The following SAG variants were observed in gnomAD, a reference collection of about 807,000 sequenced individuals.
The protein encoded by SAG is S-antigen visual arrestin.
In SAG, 45 loss-of-function variants were observed where a neutral mutation model predicts 55.0. The observed-to-expected ratio is 0.82, with a 90% CI of 0.64 to 1.05. SAG has a LOEUF of 1.05. Ranked by LOEUF, SAG falls within the 50% of genes least tolerant of loss-of-function variation. The pLI is 0.00. For synonymous variants in SAG, 189 were observed against 197.4 expected (o/e 0.96, Z 0.36); for missense variants, 455 against 512.1 (o/e 0.89, Z 1.08).
Position 233,338,727 on chromosome 2 carries a change from G to C in SAG, c.996G>C (p.Gln332His). 1 of 1,614,002 alleles carries C rather than the reference G, an allele frequency of 6.2e-7. No homozygotes were observed. The highest frequency in any genetic ancestry group is 8.5e-7 in the Non-Finnish European group (1 of 1,179,894). Residue 332 changes from glutamine (Q) to histidine (H), a missense_variant, in exon 12 of 16, where the codon CAG becomes CAC. Coordinates refer to ENST00000409110, the MANE Select transcript of SAG (RefSeq NM_000541.5). ...RTVLGILVSY[Q>H]IKVKLTVSGF... ...TCCTGGGAATCCTGGTGTCTTACCA[G>C]ATCAAGGTGAAGCTCACAGTGTCAG... is the stretch of plus-strand genomic sequence containing the variant.
At chr2:233,313,122 G>A (rs192354317) in intron 2 of SAG, among the ~76,000 whole-genome samples, 12 of 152,340 alleles carry the variant, frequency 7.9e-5, no homozygotes, top group Non-Finnish European at 1.5e-4. Flanking sequence ...GCTGCACACT[G>A]AGGTGTGGTC....
In SAG at chr2:233,331,695, G is replaced by C. The variant is rs1394625571; in HGVS notation, c.789G>C (p.Val263=). 1 of 1,613,612 alleles carries C rather than the reference G, an allele frequency of 6.2e-7. No individual in the cohort carries two copies. The highest frequency in any genetic ancestry group is 1.1e-5 in the South Asian group (1 of 91,030). The change falls in exon 10 of 16, where the codon GTG becomes GTC. Residue 263 remains valine, a synonymous_variant. Coordinates refer to ENST00000409110, the MANE Select transcript of SAG (RefSeq NM_000541.5). The stretch of plus-strand genomic sequence containing the variant: ...CGAGTGATTATTACGTCAAGCCCGT[G>C]GCTATGGAGGAAGCGCAGTGAGTAG... ...LYSSDYYVKP[V]AMEEAQEKVP...
At chr2:233,312,491 TA>T (rs1196945651) in intron 2 of SAG, among the ~76,000 whole-genome samples, 2 of 152,260 alleles carry the variant, frequency 1.3e-5, no homozygotes, top group African/African-American at 4.8e-5. Context: ...TGATACATGA[TA>T]AGCACTCGAA....
intron 10 of SAG, chr2:233,333,016 A>G (rs35502484): frequency 0.074 from 11,229 of 151,624 alleles, 506 homozygotes; most frequent in Admixed American, 0.11. Context: ...GGCTGGTCTC[A>G]AACTCCTGAC....
intron 14 of SAG, chr2:233,343,838 A>G (rs931225473): frequency 1.2e-6 from 1 of 853,124 alleles, no homozygotes. Flanking sequence ...TAGCTTTTCT[A>G]TATTGGTAGT....
chr2:233,346,883 A>G lies in SAG; in HGVS notation c.1189A>G (p.Lys397Glu). ...AGATGCAGGAGAAGCTGAGGAGGGG[A>G]AGAGAGACAAGAATGACGTTGATGA... ...LKDAGEAEEG[K>E]RDKNDVDE The change falls in exon 16 of 16, where the codon AAG becomes GAG. Residue 397 changes from lysine to glutamate, a missense_variant. By Grantham distance (56) the Lys-to-Glu change is moderately conservative. Transcript: ENST00000409110. 1.2e-6 allele frequency: 2 copies of G among 1,611,664 alleles called. No homozygotes were observed. Among genetic ancestry groups the G allele is most frequent in the Non-Finnish European group, 1.7e-6 (2 of 1,178,280 alleles).
intron 8 of SAG, chr2:233,329,281 C>T (rs928641666): frequency 9.5e-6 from 5 of 523,584 alleles, no homozygotes; most frequent in South Asian, 8.4e-5. Context: ...ATGTGATGAT[C>T]GGAACTCTGT....
At chr2:233,346,366 C>G (rs1487950140) in intron 14 of SAG, 37 bp from the exon 15 acceptor site, 2 of 1,609,652 alleles carry the variant, frequency 1.2e-6, no homozygotes, top group Non-Finnish European at 1.7e-6. Context: ...GTCTCTCTCT[C>G]CCTCTTCCCT....
chr2:233,329,325 G>T, intron 8 of SAG, 168 bp from the exon 9 acceptor site: 2 of 594,378 alleles, frequency 3.4e-6, no homozygotes, highest in African/African-American at 1.9e-5. Flanking sequence ...TGGGTGGAAT[G>T]TGTTTCAGGC....
rs1214544140 is a variant in SAG, at chr2:233,335,061, A to C, written c.906A>C (p.Lys302Asn). 3 of 1,613,980 alleles carry C rather than the reference A, an allele frequency of 1.9e-6. No individual in the cohort carries two copies. Among genetic ancestry groups the C allele is most frequent in the Non-Finnish European group, 2.5e-6 (3 of 1,179,856 alleles). The change falls in exon 11 of 16, where the codon AAA (lysine) becomes AAC (asparagine). Residue 302 changes from lysine to asparagine, a missense_variant. Transcript: ENST00000409110. ...GGAGAGGCATTGCCCTGGATGGGAA[A>C]ATCAAGCACGAGGACACAAACCTTG... ...RERRGIALDGKIKHEDTNLAS... is the reference protein window; with the variant it reads ...RERRGIALDGNIKHEDTNLAS...
chr2:233,312,546 C>A (rs10199833), intron 2 of SAG, among the ~76,000 whole-genome samples: 1 of 152,066 alleles, frequency 6.6e-6, no homozygotes, highest in African/African-American at 2.4e-5. Flanking sequence ...ATTTAGCTTT[C>A]CTAAATACTG....
At chr2:233,325,003 A>T (rs1430744871) in intron 6 of SAG, among the ~76,000 whole-genome samples, 2 of 152,160 alleles carry the variant, frequency 1.3e-5, no homozygotes, top group Admixed American at 1.3e-4. Flanking sequence ...AGGCGGGCAG[A>T]TCACCTGTGG....
rs958671592 is a variant in SAG at position 233,329,319 on chromosome 2, T to C, written c.649-174T>C. On this transcript the variant is annotated intron_variant, in intron 8 of 15. Transcript: ENST00000409110. ...CCCTCCCCAGCTTCCCACAGATGGG[T>C]GGAATGTGTTTCAGGCCCTTCCTTA... The C allele has an allele frequency of 1.9e-5, 11 of 584,522 alleles. No individual in the cohort carries two copies. The African/African-American group carries it at 1.9e-4, about 10-fold the overall frequency. 36.2% of individuals were successfully genotyped at this position (584,522 alleles called of 1,614,324 possible).
chr2:233,345,777 AAG>A (rs983975253), intron 14 of SAG: 1 of 152,442 alleles, frequency 6.6e-6, no homozygotes, highest in Non-Finnish European at 1.5e-5. Context: ...TGATCAGGGA[AAG>A]CATCCTAGAG....
At chr2:233,326,992 G>A (rs544920998) in intron 6 of SAG, 129 bp from the exon 7 acceptor site, 27 of 696,562 alleles carry the variant, frequency 3.9e-5, no homozygotes, top group South Asian at 3.6e-4. Flanking sequence ...GTGCAACCCC[G>A]AATAGGACAT....
Position 233,320,710 on chromosome 2 carries a change from T to A in SAG, c.262T>A (p.Tyr88Asn), listed in dbSNP as rs1045104656. 1.4e-5 allele frequency: 23 copies of A among 1,605,780 alleles called. No individual in the cohort carries two copies. Among genetic ancestry groups the A allele is most frequent in the Non-Finnish European group, 2.0e-5 (23 of 1,176,380 alleles). Residue 88 changes from tyrosine to asparagine, a missense_variant, in exon 5 of 16, where the codon TAC becomes AAC. Coordinates refer to ENST00000409110, the MANE Select transcript of SAG (RefSeq NM_000541.5). ...CGGCTTGACCTTCCGCAGGGACCTG[T>A]ACTTCTCCCGGGTCCAGGTGTATCC... ...VIGLTFRRDL[Y>N]FSRVQVYPPV...
At chr2:233,330,906 A>C (rs1489688487) in intron 9 of SAG, among the ~76,000 whole-genome samples, 1 of 150,570 alleles carries the variant, frequency 6.6e-6, no homozygotes, top group African/African-American at 2.4e-5. Flanking sequence ...CCTTGCACAA[A>C]TTGTTTCTTT....
At chr2:233,324,165 G>A (rs148283482) in intron 6 of SAG, among the ~76,000 whole-genome samples, 179 of 152,286 alleles carry the variant, frequency 1.2e-3, no homozygotes, top group African/African-American at 4.1e-3. Context: ...GGGAGGCTGA[G>A]GTGGGCGGAT....
In SAG at chr2:233,323,003, A is replaced by G; in HGVS notation, c.433A>G (p.Lys145Glu). The G allele has an allele frequency of 6.4e-7, 1 of 1,561,456 alleles. No homozygotes were observed. ...GCAGCCAGCTCCACAAGATTCAGGG[A>G]AGGTTAGTTCAAGAAGAAATGCCAT... ...MLQPAPQDSG[K>E]SCGVDFEVKA... is the part of the protein sequence containing the mutation. The change falls in exon 6 of 16, where the codon AAG becomes GAG. Residue 145 changes from lysine to glutamate, a missense_variant and splice_region_variant. Coordinates refer to ENST00000409110, the MANE Select transcript of SAG (RefSeq NM_000541.5).
Sources: gnomAD v4.1 joint callset for allele counts (sites outside exome capture counted in the v4.1 genomes callset) on GRCh38, gnomAD v4.1.1 for gene constraint, MANE v1.5 for transcripts, NCBI Gene and HGNC (gene_info 2026-07-23, HGNC 2026-07-21) for gene names.